IQSEC2: variants seen among roughly 807,000 people sequenced by gnomAD.
IQSEC2 encodes the protein IQ motif and Sec7 domain ArfGEF 2, also known as IQ motif and SEC7 domain-containing protein 2.
In IQSEC2, 6 loss-of-function variants were observed where a neutral mutation model predicts 74.6. That is an observed-to-expected ratio of 0.08 (90% CI 0.04 to 0.16). The LOEUF (loss-of-function observed/expected upper bound fraction) is 0.16, where lower values mean the gene tolerates loss of function less well. Among genes scored for constraint, IQSEC2 ranks in the 10% least tolerant of loss-of-function variants. IQSEC2 has a pLI of 1.00. For synonymous variants in IQSEC2, 494 were observed against 544.5 expected, an observed-to-expected ratio of 0.91 and a Z score of 1.29; for missense variants, 734 against 1,306.2, an observed-to-expected ratio of 0.56 and a Z score of 6.75.
chrX:53,250,192 G>C (rs1556862920), intron 5 of IQSEC2, 87 bp downstream of exon 5: 1 of 969,712 alleles, frequency 1.0e-6, no homozygotes, highest in Admixed American at 2.2e-5. Context: ...GCAGAACGGG[G>C]ATCACTGTGT....
intron 1 of IQSEC2, among the ~76,000 whole-genome samples, chrX:53,316,508 T>C (rs984354083): frequency 3.6e-5 from 4 of 110,656 alleles, no homozygotes; most frequent in African/African-American, 6.6e-5. Context: ...GACGACAGCA[T>C]GTGGTAGACC....
intron 1 of IQSEC2, among the ~76,000 whole-genome samples, chrX:53,303,209 A>G (rs1159017544): frequency 2.7e-5 from 3 of 111,130 alleles, no homozygotes. Flanking sequence ...TCAAAAAAAA[A>G]AAAAAAGGGC....
At position 53,310,296 on chromosome X, in the gene IQSEC2, A is replaced by G. The variant is rs982299474; in HGVS notation, c.707+10121T>C. Among the ~76,000 whole-genome samples the G allele has an allele frequency of 2.7e-5, 3 of 110,413 alleles. No homozygotes were observed. The South Asian group carries it at 1.2e-3, about 43-fold the overall frequency. On this transcript the variant is annotated intron_variant, in intron 1 of 14. Coordinates refer to ENST00000642864, the MANE Select transcript of IQSEC2 (RefSeq NM_001111125.3). ...CAACTTGGGAGGCTGAGGTAGGAGGATCACTTGAACCCAGGATGTCGAGGC... is the reference window on the plus strand; with the variant it reads ...CAACTTGGGAGGCTGAGGTAGGAGGGTCACTTGAACCCAGGATGTCGAGGC...
At chrX:53,279,182 GA>G (rs377589720) in intron 2 of IQSEC2, 1,460 of 118,686 alleles carry the variant, frequency 0.012, no homozygotes, top group Middle Eastern at 0.019. Flanking sequence ...CTCCATCTCA[GA>G]AAAAAAAAAA....
intron 1 of IQSEC2, among the ~76,000 whole-genome samples, chrX:53,310,048 C>T (rs782649284): frequency 1.2e-4 from 13 of 111,374 alleles, no homozygotes; most frequent in Non-Finnish European, 2.4e-4. Context: ...TATCTATTTA[C>T]GGAGCACCTA....
Position 53,234,277 on chromosome X carries a change from G to A in IQSEC2, c.4409C>T (p.Ala1470Val). ...CTTGGGGTTTGCACTGGGGGGGTTGGCTGTGCCAGGGGGCCCAGAGGCGTG... is the reference window on the plus strand; with the variant it reads ...CTTGGGGTTTGCACTGGGGGGGTTGACTGTGCCAGGGGGCCCAGAGGCGTG... ...PLHASGPPGT[A>V]NPPSANPKAK... The change falls in exon 15 of 15, where the codon GCC (alanine) becomes GTC (valine). Residue 1470 changes from alanine to valine, a missense_variant. Ala to Val is a moderately conservative substitution (Grantham distance 64). This residue lies in a region of IQSEC2 where 38 missense variants were observed against 36.7 expected (regional missense o/e 1.04). Transcript: ENST00000642864. 9.5e-7 allele frequency: 1 copy of A among 1,053,085 alleles called. No individual in the cohort carries two copies. 86.8% of individuals were successfully genotyped at this position (1,053,085 alleles called of 1,213,427 possible).
Position 53,250,985 on chromosome X carries a change from G to A in IQSEC2, c.1591C>T (p.Arg531Ter), listed in dbSNP as rs1602284689. ...GGTGGGGGTTCTGTGCTGGGCAGTC[G>A]CTCAGGGGATTGTTGGGGAACTGTG... ...DDTVPQQSPE[R>*]LPSTEPPPQG... Residue 531 changes from arginine to a stop codon, truncating the protein, a stop_gained, in exon 5 of 15, where the codon CGA becomes TGA. Transcript: ENST00000642864. LOFTEE classifies it high-confidence loss of function. The A allele has an allele frequency of 8.3e-7, 1 of 1,211,904 alleles. No homozygotes were observed. Among genetic ancestry groups the A allele is most frequent in the Non-Finnish European group, 1.1e-6 (1 of 895,477 alleles).
At chrX:53,266,660 G>A in intron 2 of IQSEC2, 2 of 854,006 alleles carry the variant, frequency 2.3e-6, no homozygotes, top group Non-Finnish European at 2.8e-6. Flanking sequence ...CTGGGAAGTG[G>A]GAGTGCGGGT....
At chrX:53,281,920 G>A (rs2074972281) in intron 2 of IQSEC2, among the ~76,000 whole-genome samples, 1 of 112,163 alleles carries the variant, frequency 8.9e-6, no homozygotes, top group African/African-American at 3.2e-5. Flanking sequence ...ATCAAGACCC[G>A]GTTTGGCTAT....
chrX:53,308,347 T>C (rs1395750744), intron 1 of IQSEC2, among the ~76,000 whole-genome samples: 1 of 109,493 alleles, frequency 9.1e-6, no homozygotes, highest in Non-Finnish European at 1.9e-5. Flanking sequence ...TATGAGCACT[T>C]TTCTGTATTC....
chrX:53,248,077 A>T (rs1556862406), intron 7 of IQSEC2, 37 bp downstream of exon 7: 1 of 1,203,792 alleles, frequency 8.3e-7, no homozygotes, highest in Non-Finnish European at 1.1e-6. Flanking sequence ...TGCCCACAGG[A>T]GGGAGGGGCA....
rs2074076904 is a variant in IQSEC2 at position 53,233,320 on chromosome X, G to A, written c.*899C>T. 1 of 111,570 alleles carries A rather than the reference G, an allele frequency of 9.0e-6. No individual in the cohort carries two copies. The highest frequency in any genetic ancestry group is 3.3e-5 in the African/African-American group (1 of 30,571). The allele number at this position is 111,570 out of a possible 1,213,427, so 9.2% of individuals were successfully genotyped here. ...GGCCCTTTGGGAGCCTCTCTCCCCA[G>A]GGCTGATGCTGGGTGCCCCTGCCCC... is the stretch of plus-strand genomic sequence containing the variant. On this transcript the variant is annotated 3_prime_UTR_variant, in exon 15 of 15. Coordinates refer to ENST00000642864, the MANE Select transcript of IQSEC2 (RefSeq NM_001111125.3).
At chrX:53,239,541 G>A (rs1569295064) in intron 10 of IQSEC2, 3 of 344,616 alleles carry the variant, frequency 8.7e-6, no homozygotes, top group East Asian at 1.1e-4. Flanking sequence ...GAAACTAACT[G>A]AATCCTGCTT....
chrX:53,230,374 A>G (rs1235386074), downstream of IQSEC2: 1 of 112,812 alleles, frequency 8.9e-6, no homozygotes, highest in Non-Finnish European at 1.9e-5. Context: ...ACTTACCCAC[A>G]TGTGCTTATT....
chrX:53,294,981 C>T (rs781962749), intron 1 of IQSEC2, among the ~76,000 whole-genome samples: 1 of 111,316 alleles, frequency 9.0e-6, no homozygotes, highest in South Asian at 3.8e-4. Context: ...CACCACTGTG[C>T]CTGGCTAATT....
At position 53,298,264 on chromosome X, in the gene IQSEC2, C is replaced by G. The variant is rs191873648; in HGVS notation, c.708-6340G>C. ...TCTTTTTTTTTTTAGAGTTTATGCT[C>G]ATATTTTGCTGGAGCACATTCCCCA... is the stretch of plus-strand genomic sequence containing the variant. On this transcript the variant is annotated intron_variant, in intron 1 of 14. Coordinates refer to ENST00000642864, the MANE Select transcript of IQSEC2 (RefSeq NM_001111125.3). 2.8e-5 allele frequency among the ~76,000 whole-genome samples: 3 copies of G among 106,780 alleles called. No individual in the cohort carries two copies. In the East Asian group the frequency reaches 8.7e-4, roughly 31 times the overall value. 92.7% of individuals were successfully genotyped at this position (106,780 alleles called of 115,157 possible). A position where few individuals can be genotyped will look rare whatever the true frequency, so the allele number is the denominator to read the frequency against.
At chrX:53,287,264 A>G (rs1022254519) in intron 2 of IQSEC2, among the ~76,000 whole-genome samples, 2 of 112,532 alleles carry the variant, frequency 1.8e-5, no homozygotes, top group South Asian at 7.3e-4. Context: ...AAAATTGGGA[A>G]TGTAAGTGCA....
At chrX:53,285,165 C>T (rs1421596855) in intron 2 of IQSEC2, among the ~76,000 whole-genome samples, 2 of 111,911 alleles carry the variant, frequency 1.8e-5, no homozygotes, top group Non-Finnish European at 3.8e-5. Context: ...CAAGCTTCCA[C>T]TTAGATGTCA....
chrX:53,293,306 C>T (rs1454563862), intron 1 of IQSEC2, among the ~76,000 whole-genome samples: 1 of 111,456 alleles, frequency 9.0e-6, no homozygotes, highest in African/African-American at 3.3e-5. Flanking sequence ...TGGGGGTGGG[C>T]TGCGGTGAGA....
Sources: gnomAD v4.1 joint callset for allele counts (sites outside exome capture counted in the v4.1 genomes callset) on GRCh38, gnomAD v4.1.1 for gene constraint, gnomAD v4.1.1 regional missense constraint, MANE v1.5 for transcripts, NCBI Gene and HGNC (gene_info 2026-07-23, HGNC 2026-07-21) for gene names.